The following ROGDI variants were observed in gnomAD, a reference collection of about 807,000 sequenced individuals.
ROGDI encodes the protein protein rogdi homolog.
In ROGDI, 46 loss-of-function variants were observed where a neutral mutation model predicts 43.1. The ratio of observed to expected loss-of-function variants is 1.07; its 90% CI spans 0.84 to 1.37. The LOEUF (loss-of-function observed/expected upper bound fraction) is 1.37. Ranked by LOEUF, ROGDI falls within the 40% of genes most tolerant of loss-of-function variation. The pLI is 0.00. For synonymous variants in ROGDI, 243 were observed against 162.0 expected (o/e 1.50, Z -3.80); for missense variants, 518 against 383.9 (o/e 1.35, Z -2.92).
chr16:4,797,258 T>G lies in ROGDI; in HGVS notation c.*202A>C, dbSNP rs1596273720. On this transcript the variant is annotated 3_prime_UTR_variant, in exon 11 of 11. Coordinates refer to ENST00000322048, the MANE Select transcript of ROGDI (RefSeq NM_024589.3). Reference sequence around the variant, plus strand: ...CACCCTTGGCCCCGCCTCCCTGACCTCCCCACTACCCCACCAAACCAGCCT... The same window carrying G: ...CACCCTTGGCCCCGCCTCCCTGACCGCCCCACTACCCCACCAAACCAGCCT... 1.8e-6 allele frequency: 1 copy of G among 570,182 alleles called. No homozygotes were observed. The highest frequency in any genetic ancestry group is 2.1e-5 in the South Asian group (1 of 46,898). 35.3% of individuals were successfully genotyped at this position (570,182 alleles called of 1,614,324 possible).
At position 4,800,514 on chromosome 16, in the gene ROGDI, T is replaced by C. The variant is rs759605875; in HGVS notation, c.320A>G (p.Gln107Arg). Residue 107 changes from glutamine to arginine, a missense_variant, in exon 5 of 11, where the codon CAG becomes CGG. Transcript: ENST00000322048. The stretch of plus-strand genomic sequence containing the variant: ...CGGGGTCACCTGCTGCAGCTTCCAC[T>C]GCTTGTCCTCCCGGAAGGCGAAGTG... ...LLHFAFREDK[Q>R]WKLQQIQDAR... 8.3e-6 allele frequency: 13 copies of C among 1,558,244 alleles called. No individual in the cohort carries two copies. The highest frequency in any genetic ancestry group is 1.1e-5 in the Non-Finnish European group (13 of 1,150,452).
rs769323377 is a variant in ROGDI at position 4,798,656 on chromosome 16, T to C, written c.444A>G (p.Ala148=). 5 of 1,567,416 alleles carry C rather than the reference T, an allele frequency of 3.2e-6. No individual in the cohort carries two copies. In the South Asian group the frequency reaches 3.5e-5, roughly 11 times the overall value. The part of the protein sequence containing the change: ...TGAEVLKLMD[A]VMLQLTRARN... ...GGGCTCTGGTCAGCTGCAGCATCAC[T>C]GCGTCCATCAGCTGCAGGGAGAGGC... The change falls in exon 7 of 11, where the codon GCA becomes GCG. Residue 148 remains alanine, a synonymous_variant. Transcript: ENST00000322048.
Position 4,797,368 on chromosome 16 carries a change from G to A in ROGDI, c.*92C>T. On this transcript the variant is annotated 3_prime_UTR_variant, in exon 11 of 11. Coordinates refer to ENST00000322048, the MANE Select transcript of ROGDI (RefSeq NM_024589.3). ...AGGGGGTGGGATAGGGAGATAAATA[G>A]CAGCCTGGCGTTGGCACTGGCTGGT... 1 of 1,169,076 alleles carries A rather than the reference G, an allele frequency of 8.6e-7. No individual in the cohort carries two copies. Among genetic ancestry groups the A allele is most frequent in the Non-Finnish European group, 1.2e-6 (1 of 808,474 alleles). The allele number at this position is 1,169,076 out of a possible 1,614,324, so 72.4% of individuals were successfully genotyped here. A position where few individuals can be genotyped will look rare whatever the true frequency, so the allele number is the denominator to read the frequency against.
chr16:4,797,590 G>T, intron 10 of ROGDI, 89 bp from the exon 11 acceptor site: 5 of 536,242 alleles, frequency 9.3e-6, no homozygotes, highest in Non-Finnish European at 1.3e-5. Flanking sequence ...AATATGTCAG[G>T]ACAGGGCATT....
At position 4,801,341 on chromosome 16, in the gene ROGDI, A is replaced by G; in HGVS notation, c.201-20T>C. ...TCTGTGCTGTAACATGTGGCGTCAG[A>G]GCGGTGCCTGTGGTCACCCCCCCAC... On this transcript the variant is annotated intron_variant, in intron 3 of 10. Coordinates refer to ENST00000322048, the MANE Select transcript of ROGDI (RefSeq NM_024589.3). The G allele has an allele frequency of 6.3e-7, 1 of 1,599,562 alleles. No homozygotes were observed. The highest frequency in any genetic ancestry group is 1.1e-5 in the South Asian group (1 of 89,748).
rs756917973 is a variant in ROGDI, at chr16:4,797,966, C to T, written c.667G>A (p.Ala223Thr). The change falls in exon 9 of 11, where the codon GCG (alanine) becomes ACG (threonine). Residue 223 changes from alanine to threonine, a missense_variant. By Grantham distance (58) the Ala-to-Thr change is moderately conservative. Coordinates refer to ENST00000322048, the MANE Select transcript of ROGDI (RefSeq NM_024589.3). ...ATGGCCCCAGGGCTATGCAGCACCG[C>T]GCCCCCAGCTGGGCGGAAGTTCTAG... ...STKNFRPAGG[A>T]VLHSPGAMFE... is the part of the protein sequence containing the mutation. The T allele has an allele frequency of 5.8e-5, 93 of 1,606,096 alleles. No homozygotes were observed. The highest frequency in any genetic ancestry group is 1.7e-4 in the South Asian group (15 of 90,432).
rs2082660929 is a variant in ROGDI at position 4,797,202 on chromosome 16, G to C, written c.*258C>G. On this transcript the variant is annotated 3_prime_UTR_variant, in exon 11 of 11. Coordinates refer to ENST00000322048, the MANE Select transcript of ROGDI (RefSeq NM_024589.3). ...TGTCCTGAGTCCAAAGATTCCCATGGTGATCAGAGGGCGGTGTTGGGAATG... is the reference window on the plus strand; with the variant it reads ...TGTCCTGAGTCCAAAGATTCCCATGCTGATCAGAGGGCGGTGTTGGGAATG... 2.2e-6 allele frequency: 1 copy of C among 453,402 alleles called. No individual in the cohort carries two copies. Among genetic ancestry groups the C allele is most frequent in the Non-Finnish European group, 4.0e-6 (1 of 250,412 alleles). The allele number at this position is 453,402 out of a possible 1,614,324, so 28.1% of individuals were successfully genotyped here.
chr16:4,802,245 G>GA, intron 2 of ROGDI, 137 bp downstream of exon 2: 1 of 800,436 alleles, frequency 1.2e-6, no homozygotes, highest in Non-Finnish European at 2.0e-6. Flanking sequence ...CGAGTTCGCG[G>GA]AGGCGGGGCC....
rs764899074 is a variant in ROGDI, at chr16:4,801,291, CAG to C, written c.229_230del (p.Leu77AlafsTer64). 2 of 1,609,012 alleles carry C rather than the reference CAG, an allele frequency of 1.2e-6. No individual in the cohort carries two copies. The highest frequency in any genetic ancestry group is 1.3e-5 in the African/African-American group (1 of 74,960). On this transcript the variant is annotated frameshift_variant, in exon 4 of 11. Coordinates refer to ENST00000322048, the MANE Select transcript of ROGDI (RefSeq NM_024589.3). LOFTEE classifies it high-confidence loss of function. ...GTDQVKGVLT[L>X]QGDALSQADV... The stretch of plus-strand genomic sequence containing the variant: ...CCGCCTGGCTGAGGGCATCCCCCTG[CAG>C]AGTCAGCACACCCTTCACCTGGTCT...
Position 4,802,563 on chromosome 16 carries a change from G to C in ROGDI, c.9C>G (p.Thr3=), listed in dbSNP as rs1489986132. Residue 3 remains threonine, a synonymous_variant, in exon 1 of 11, where the codon ACC becomes ACG. Transcript: ENST00000322048. MA[T]VMAATAAERA... ...GCTCCGCCGCCGTCGCTGCCATCAC[G>C]GTGGCCATGGCCGCAGGCCGCCGCC... 1.5e-6 allele frequency: 2 copies of C among 1,301,196 alleles called. No homozygotes were observed. The highest frequency in any genetic ancestry group is 2.1e-5 in the South Asian group (1 of 47,022). The allele number at this position is 1,301,196 out of a possible 1,614,324, so 80.6% of individuals were successfully genotyped here.
At chr16:4,802,198 C>G (rs1203642750) in intron 2 of ROGDI, 184 bp downstream of exon 2, 1 of 671,888 alleles carries the variant, frequency 1.5e-6, no homozygotes, top group African/African-American at 1.8e-5. Context: ...GGACCCGCCC[C>G]TGCCCGCACA....
intron 6 of ROGDI, among the ~76,000 whole-genome samples, chr16:4,799,285 T>C (rs1408259223): frequency 6.6e-6 from 1 of 151,976 alleles, no homozygotes; most frequent in African/African-American, 2.4e-5. Flanking sequence ...GAAGGGATCT[T>C]AGTCTATCTG....
Position 4,800,577 on chromosome 16 carries a change from T to A in ROGDI, c.257A>T (p.Asp86Val), listed in dbSNP as rs774073956. ...TLQGDALSQA[D>V]VNLKMPRNNQ... ...GTTCCGGGGCATCTTCAGGTTCACA[T>A]CCTGACAGGCAAGAGTGGGGTGAGC... Residue 86 changes from aspartate to valine, a missense_variant and splice_region_variant, in exon 5 of 11, where the codon GAT (aspartate) becomes GTT (valine). By Grantham distance (152) the Asp-to-Val change is radical. Coordinates refer to ENST00000322048, the MANE Select transcript of ROGDI (RefSeq NM_024589.3). 6.4e-7 allele frequency: 1 copy of A among 1,564,660 alleles called. No individual in the cohort carries two copies. Among genetic ancestry groups the A allele is most frequent in the South Asian group, 1.2e-5 (1 of 85,084 alleles).
chr16:4,802,443 A>G lies in ROGDI; in HGVS notation c.56T>C (p.Phe19Ser). Residue 19 changes from phenylalanine to serine, a missense_variant, in exon 2 of 11, where the codon TTC (phenylalanine) becomes TCC (serine). Phe to Ser is a radical substitution (Grantham distance 155). Transcript: ENST00000322048. ...CACCTCGTCGTGCAGCAGCCAGCGG[A>G]ACTCCTCCTCCTGCGGGACAGACCC... ...AAERAVLEEE[F>S]RWLLHDEVHA... The G allele has an allele frequency of 6.9e-7, 1 of 1,443,058 alleles. No individual in the cohort carries two copies. The highest frequency in any genetic ancestry group is 9.1e-7 in the Non-Finnish European group (1 of 1,102,346). The allele number at this position is 1,443,058 out of a possible 1,614,324, so 89.4% of individuals were successfully genotyped here. A position where few individuals can be genotyped will look rare whatever the true frequency, so the allele number is the denominator to read the frequency against.
rs983610109 is a variant in ROGDI, at chr16:4,798,464, C to T, written c.531+105G>A. The T allele has an allele frequency of 4.4e-6, 4 of 911,790 alleles. No individual in the cohort carries two copies. In the African/African-American group the frequency reaches 6.7e-5, roughly 15 times the overall value. The allele number at this position is 911,790 out of a possible 1,614,324, so 56.5% of individuals were successfully genotyped here. On this transcript the variant is annotated intron_variant, in intron 7 of 10. Transcript: ENST00000322048. The stretch of plus-strand genomic sequence containing the variant: ...CAGAAACCTGCCTAGACAGAATATT[C>T]CACCTATAATCTGGGAGTGGCACCC...
rs762201577 is a variant in ROGDI at position 4,797,487 on chromosome 16, G to A, written c.837C>T (p.Ser279=). The change falls in exon 11 of 11, where the codon TCC becomes TCT. Residue 279 remains serine (S), a synonymous_variant. Coordinates refer to ENST00000322048, the MANE Select transcript of ROGDI (RefSeq NM_024589.3). ...AGAAGGGTCTGTAGCTCCAGTAGCT[G>A]GAGAACACGGAGATCTGCAAGGGGA... is the stretch of plus-strand genomic sequence containing the variant. The part of the protein sequence containing the change: ...QQLKDKISVF[S]SYWSYRPF 1 of 1,613,426 alleles carries A rather than the reference G, an allele frequency of 6.2e-7. No individual in the cohort carries two copies. The highest frequency in any genetic ancestry group is 8.5e-7 in the Non-Finnish European group (1 of 1,179,592).
Position 4,802,388 on chromosome 16 carries a change from G to A in ROGDI, c.111C>T (p.Ile37=), listed in dbSNP as rs1381370797. The change falls in exon 2 of 11, where the codon ATC becomes ATT. Residue 37 remains isoleucine, a synonymous_variant. Transcript: ENST00000322048. ...VHAVLKQLQD[I]LKEASLRFTL... ...GCAGGGCGCGGGTCGTTACCTTGAG[G>A]ATGTCCTGCAGCTGCTTCAACACAG... The A allele has an allele frequency of 2.5e-6, 4 of 1,571,946 alleles. No individual in the cohort carries two copies. Among genetic ancestry groups the A allele is most frequent in the Non-Finnish European group, 1.7e-6 (2 of 1,162,990 alleles).
rs1283060910 is a variant in ROGDI, at chr16:4,802,466, C to G, written c.46-13G>C. On this transcript the variant is annotated splice_polypyrimidine_tract_variant and intron_variant, in intron 1 of 10. Coordinates refer to ENST00000322048, the MANE Select transcript of ROGDI (RefSeq NM_024589.3). Reference sequence around the variant, plus strand: ...GGAACTCCTCCTCCTGCGGGACAGACCCGGCGGTCGCGCCCGGCCCCGCCG... The same window carrying G: ...GGAACTCCTCCTCCTGCGGGACAGAGCCGGCGGTCGCGCCCGGCCCCGCCG... The G allele has an allele frequency of 7.9e-7, 1 of 1,259,972 alleles. No homozygotes were observed. Among genetic ancestry groups the G allele is most frequent in the South Asian group, 3.2e-5 (1 of 31,242 alleles). 78.0% of individuals were successfully genotyped at this position (1,259,972 alleles called of 1,614,324 possible). A position where few individuals can be genotyped will look rare whatever the true frequency, so the allele number is the denominator to read the frequency against.
Position 4,802,507 on chromosome 16 carries a change from C to G in ROGDI, c.45+20G>C. 2 of 1,210,730 alleles carry G rather than the reference C, an allele frequency of 1.7e-6. No individual in the cohort carries two copies. The highest frequency in any genetic ancestry group is 2.0e-6 in the Non-Finnish European group (2 of 977,082). 75.0% of individuals were successfully genotyped at this position (1,210,730 alleles called of 1,614,324 possible). On this transcript the variant is annotated intron_variant, in intron 1 of 10. Coordinates refer to ENST00000322048, the MANE Select transcript of ROGDI (RefSeq NM_024589.3). ...GGCCCCGCCGCCCCGCCGGCCCGCC[C>G]GCTGGCCCGCGCGCCTTACCAGCAC... is the stretch of plus-strand genomic sequence containing the variant.
Sources: gnomAD v4.1 joint callset for allele counts (sites outside exome capture counted in the v4.1 genomes callset) on GRCh38, gnomAD v4.1.1 for gene constraint, MANE v1.5 for transcripts, NCBI Gene and HGNC (gene_info 2026-07-23, HGNC 2026-07-21) for gene names.